The following PIAS2 variants were observed in gnomAD, a reference collection of about 807,000 sequenced individuals.
PIAS2 encodes the protein protein inhibitor of activated STAT 2.
Under a neutral mutation model 69.7 loss-of-function variants are expected in PIAS2, and 19 were observed. The ratio of observed to expected loss-of-function variants is 0.27; its 90% CI spans 0.19 to 0.40. The LOEUF (loss-of-function observed/expected upper bound fraction) is 0.40, where lower values mean the gene tolerates loss of function less well. Ranked by LOEUF, PIAS2 falls within the 10% of genes least tolerant of loss-of-function variation. The probability of loss-of-function intolerance (pLI) is 1.00; values close to 1 mark genes in which losing one functional copy is unlikely to be tolerated. For synonymous variants in PIAS2, 261 were observed against 263.2 expected (o/e 0.99, Z 0.08); for missense variants, 624 against 757.0 (o/e 0.82, Z 2.06).
chr18:46,855,624 AAG>A lies in PIAS2; in HGVS notation c.585-11_585-10del. The A allele has an allele frequency of 1.2e-6, 2 of 1,608,564 alleles. No homozygotes were observed. The highest frequency in any genetic ancestry group is 1.7e-6 in the Non-Finnish European group (2 of 1,175,054). On this transcript the variant is annotated splice_polypyrimidine_tract_variant and intron_variant, in intron 3 of 13. Coordinates refer to ENST00000585916, the MANE Select transcript of PIAS2 (RefSeq NM_004671.5). ...CACCTGGCAAAAAATCCCTGTTGGA[AAG>A]AGAAAGAAAATGGGTTAAAAAAGTA...
At chr18:46,892,740 T>C (rs1366783686) in intron 1 of PIAS2, among the ~76,000 whole-genome samples, 1 of 152,086 alleles carries the variant, frequency 6.6e-6, no homozygotes, top group Non-Finnish European at 1.5e-5. Flanking sequence ...CACCACCATA[T>C]TCCAGCCTAG....
At chr18:46,815,858 C>A (rs1280550360) in intron 12 of PIAS2, 7 of 985,874 alleles carry the variant, frequency 7.1e-6, no homozygotes, top group Non-Finnish European at 8.4e-6. Context: ...ACGCTCTGCA[C>A]AAAGCACACA....
Position 46,829,756 on chromosome 18 carries a change from G to C in PIAS2, c.1314C>G (p.Ser438Arg), listed in dbSNP as rs781605548. The change falls in exon 10 of 14, where the codon AGC becomes AGG. Residue 438 changes from serine (S) to arginine (R), a missense_variant. This residue lies in a region of PIAS2 where 241 missense variants were observed against 257.3 expected (regional missense o/e 0.94). Transcript: ENST00000585916. ...RPKKEAMKVS[S>R]QPCTKIESSS... ...TACTTTCTATTTTTGTACACGGTTG[G>C]CTGGATACTTTCATAGCTTCTTTCT... 1 of 1,613,266 alleles carries C rather than the reference G, an allele frequency of 6.2e-7. No individual in the cohort carries two copies. The highest frequency in any genetic ancestry group is 8.5e-7 in the Non-Finnish European group (1 of 1,179,602).
intron 2 of PIAS2, among the ~76,000 whole-genome samples, chr18:46,874,913 C>G (rs1882803216): frequency 6.6e-6 from 1 of 152,254 alleles, no homozygotes; most frequent in East Asian, 1.9e-4. Context: ...CTTCTAACTA[C>G]AGAAACCACT....
chr18:46,897,289 T>G (rs1382591405), intron 1 of PIAS2, among the ~76,000 whole-genome samples: 1 of 152,230 alleles, frequency 6.6e-6, no homozygotes, highest in Non-Finnish European at 1.5e-5. Context: ...AATGGCTGAC[T>G]GCAGGTCTGG....
chr18:46,878,748 AG>A (rs2051674198), intron 2 of PIAS2, among the ~76,000 whole-genome samples: 1 of 152,218 alleles, frequency 6.6e-6, no homozygotes, highest in Non-Finnish European at 1.5e-5. Flanking sequence ...CATGCCTGTA[AG>A]CCCAGCTACT....
chr18:46,844,893 G>A (rs1015189256), intron 6 of PIAS2, 54 bp from the exon 7 acceptor site: 6 of 665,378 alleles, frequency 9.0e-6, no homozygotes, highest in African/African-American at 1.9e-5. Flanking sequence ...TATTCTCTTT[G>A]TTTACATGAA....
chr18:46,829,605 GA>G, intron 10 of PIAS2, 128 bp downstream of exon 10: 3 of 750,676 alleles, frequency 4.0e-6, no homozygotes, highest in Non-Finnish European at 6.5e-6. Flanking sequence ...TCATTTGGGG[GA>G]AAACTATATA....
At position 46,803,643 on chromosome 18, in the gene PIAS2, C is replaced by T. The variant is rs566472305; in HGVS notation, c.*8790G>A. The stretch of plus-strand genomic sequence containing the variant: ...TTGTTCCAGTTCCAAAGTATTGAGT[C>T]TAATAATGATTTGGGTCAGGTGGCT... On this transcript the variant is annotated 3_prime_UTR_variant, in exon 14 of 14. Transcript: ENST00000585916. 1.3e-5 allele frequency: 2 copies of T among 152,264 alleles called. No individual in the cohort carries two copies. The highest frequency in any genetic ancestry group is 4.8e-5 in the African/African-American group (2 of 41,550). The allele number at this position is 152,264 out of a possible 1,614,324, so 9.4% of individuals were successfully genotyped here.
intron 3 of PIAS2, among the ~76,000 whole-genome samples, chr18:46,858,442 G>A (rs1228387397): frequency 6.6e-6 from 1 of 152,234 alleles, no homozygotes; most frequent in African/African-American, 2.4e-5. Context: ...GCTGGGCGCA[G>A]TGGCTCACGC....
intron 5 of PIAS2, among the ~76,000 whole-genome samples, chr18:46,849,108 C>G (rs986984155): frequency 1.3e-5 from 2 of 152,098 alleles, no homozygotes; most frequent in East Asian, 3.9e-4. Context: ...AATGTGCACT[C>G]TGGAAATTAG....
intron 8 of PIAS2, among the ~76,000 whole-genome samples, chr18:46,842,812 T>C (rs1282563460): frequency 6.6e-6 from 1 of 152,190 alleles, no homozygotes; most frequent in African/African-American, 2.4e-5. Flanking sequence ...CTTTCAGGTC[T>C]TACCCTACTG....
At chr18:46,855,639 G>C (rs1308012237) in intron 3 of PIAS2, 24 bp from the exon 4 acceptor site, 2 of 1,572,532 alleles carry the variant, frequency 1.3e-6, no homozygotes, top group Non-Finnish European at 1.8e-6. Context: ...AAAGAAAATG[G>C]GTTAAAAAAG....
rs1302028089 is a variant in PIAS2 at position 46,812,472 on chromosome 18, G to A, written c.1827C>T (p.Ser609=). ...TGATGTCAGGAATGTTACTTCCACT[G>A]CTGGTTATGACCCCTGTCTCACTCC... ...SSRSETGVIT[S]SGSNIPDIIS... Residue 609 remains serine (S), a synonymous_variant, in exon 14 of 14, where the codon AGC becomes AGT. Coordinates refer to ENST00000585916, the MANE Select transcript of PIAS2 (RefSeq NM_004671.5). 6.2e-7 allele frequency: 1 copy of A among 1,612,274 alleles called. No homozygotes were observed. The highest frequency in any genetic ancestry group is 1.3e-5 in the African/African-American group (1 of 74,848).
At chr18:46,847,410 T>C (rs2046309803) in intron 5 of PIAS2, among the ~76,000 whole-genome samples, 1 of 152,142 alleles carries the variant, frequency 6.6e-6, no homozygotes, top group African/African-American at 2.4e-5. Flanking sequence ...TCAGTTGTCA[T>C]TAAATGAGCC....
chr18:46,859,608 T>C (rs1229781521), intron 3 of PIAS2, among the ~76,000 whole-genome samples: 3 of 152,144 alleles, frequency 2.0e-5, no homozygotes, highest in Non-Finnish European at 4.4e-5. Context: ...CCAGTCTGTT[T>C]TTCAACTTCG....
At chr18:46,866,666 G>A (rs529207705) in intron 2 of PIAS2, among the ~76,000 whole-genome samples, 1 of 152,246 alleles carries the variant, frequency 6.6e-6, no homozygotes, top group African/African-American at 2.4e-5. Flanking sequence ...TAAAGTGATG[G>A]CATTGAAAGG....
chr18:46,807,365 ATATATATATATATATATATTTTTTTTTTT>A lies in PIAS2; in HGVS notation c.*5039_*5067del, dbSNP rs1352052898. On this transcript the variant is annotated 3_prime_UTR_variant, in exon 14 of 14. Transcript: ENST00000585916. The stretch of plus-strand genomic sequence containing the variant: ...GAAACATGTCAGATTTTATATATAT[ATATATATATATATATATATTTTTTTTTTT>A]TTTTTTTTTTTTTTTTAGAGAGTCT... 8.6e-5 allele frequency: 2 copies of A among 23,190 alleles called. No individual in the cohort carries two copies. The highest frequency in any genetic ancestry group is 6.2e-4 in the African/African-American group (2 of 3,236). The allele number at this position is 23,190 out of a possible 1,614,324, so 1.4% of individuals were successfully genotyped here. A position where few individuals can be genotyped will look rare whatever the true frequency, so the allele number is the denominator to read the frequency against.
intron 12 of PIAS2, chr18:46,818,114 C>A: frequency 9.5e-7 from 1 of 1,052,260 alleles, no homozygotes; most frequent in Non-Finnish European, 1.1e-6. Context: ...ATTTTAAGTG[C>A]TTCACTGTGA....
Sources: gnomAD v4.1 joint callset for allele counts (sites outside exome capture counted in the v4.1 genomes callset) on GRCh38, gnomAD v4.1.1 for gene constraint, gnomAD v4.1.1 regional missense constraint, MANE v1.5 for transcripts, NCBI Gene and HGNC (gene_info 2026-07-23, HGNC 2026-07-21) for gene names.